The following CAPN7 variants were observed in gnomAD, a reference collection of about 807,000 sequenced individuals.
CAPN7 encodes the protein calpain-7.
Under a neutral mutation model 115.2 loss-of-function variants are expected in CAPN7, and 72 were observed. The observed-to-expected ratio is 0.63, with a 90% CI of 0.52 to 0.76. The LOEUF is 0.76. Among genes scored for constraint, CAPN7 ranks in the 30% least tolerant of loss-of-function variants. The pLI is 0.00. For synonymous variants in CAPN7, 344 were observed against 322.3 expected, an observed-to-expected ratio of 1.07 and a Z score of -0.72; for missense variants, 905 against 971.5, an observed-to-expected ratio of 0.93 and a Z score of 0.91.
chr3:15,241,638 G>A, intron 15 of CAPN7, 50 bp downstream of exon 15: 1 of 1,525,112 alleles, frequency 6.6e-7, no homozygotes, highest in Admixed American at 1.8e-5. Flanking sequence ...TTTTAATATA[G>A]TTAGAACATT....
chr3:15,217,293 T>TC, intron 2 of CAPN7, 132 bp from the exon 3 acceptor site: 1 of 804,284 alleles, frequency 1.2e-6, no homozygotes, highest in Non-Finnish European at 1.8e-6. Context: ...TTAAGGATTT[T>TC]TTTAACCTTG....
intron 10 of CAPN7, among the ~76,000 whole-genome samples, chr3:15,233,611 C>CT (rs986429950): frequency 2.0e-5 from 3 of 152,140 alleles, no homozygotes; most frequent in Non-Finnish European, 4.4e-5. Context: ...TGTTACATGT[C>CT]TTTTTATCAT....
intron 4 of CAPN7, among the ~76,000 whole-genome samples, chr3:15,219,929 G>A (rs1296549904): frequency 6.6e-6 from 1 of 152,090 alleles, no homozygotes; most frequent in East Asian, 1.9e-4. Context: ...GGCCGGGCAC[G>A]GTGGCTCACG....
At chr3:15,238,394 G>A (rs977588770) in intron 12 of CAPN7, among the ~76,000 whole-genome samples, 2 of 151,806 alleles carry the variant, frequency 1.3e-5, no homozygotes, top group East Asian at 1.9e-4. Context: ...GATTACAGGC[G>A]TGAGCCCCCA....
Position 15,251,181 on chromosome 3 carries a change from C to T in CAPN7, c.2363C>T (p.Thr788Ile), listed in dbSNP as rs1017265979. Residue 788 changes from threonine to isoleucine, a missense_variant, in exon 21 of 21, where the codon ACC becomes ATC. Transcript: ENST00000253693. ...PSGIFNIIPSTFLPKQEGPFF... is the reference protein window; with the variant it reads ...PSGIFNIIPSIFLPKQEGPFF... ...GGGATCTTCAATATCATTCCTAGTA[C>T]CTTTTTGCCTAAACAAGAAGGACCT... 6.2e-7 allele frequency: 1 copy of T among 1,607,684 alleles called. No homozygotes were observed. The highest frequency in any genetic ancestry group is 8.5e-7 in the Non-Finnish European group (1 of 1,175,100).
chr3:15,225,192 T>G (rs2124933031), intron 6 of CAPN7, among the ~76,000 whole-genome samples: 1 of 152,360 alleles, frequency 6.6e-6, no homozygotes, highest in Non-Finnish European at 1.5e-5. Flanking sequence ...ATTTTGTTAG[T>G]TACTAAGTTA....
Position 15,251,983 on chromosome 3 carries a change from A to C in CAPN7, c.*723A>C, listed in dbSNP as rs1329140443. The C allele has an allele frequency of 6.6e-6, 1 of 152,430 alleles. No individual in the cohort carries two copies. The highest frequency in any genetic ancestry group is 1.5e-5 in the Non-Finnish European group (1 of 68,022). 9.4% of individuals were successfully genotyped at this position (152,430 alleles called of 1,614,324 possible). ...TAAAAAACAGTAATTGAGATATTGA[A>C]GACATTACAATTTAGTTTGTGTGGT... is the stretch of plus-strand genomic sequence containing the variant. On this transcript the variant is annotated 3_prime_UTR_variant, in exon 21 of 21. Coordinates refer to ENST00000253693, the MANE Select transcript of CAPN7 (RefSeq NM_014296.3).
At chr3:15,229,985 C>G (rs1410388820) in intron 8 of CAPN7, among the ~76,000 whole-genome samples, 1 of 151,952 alleles carries the variant, frequency 6.6e-6, no homozygotes, top group East Asian at 1.9e-4. Context: ...TATAAGTGGT[C>G]CAAATGTATT....
chr3:15,233,307 T>C (rs1387535452), intron 10 of CAPN7, among the ~76,000 whole-genome samples: 1 of 152,248 alleles, frequency 6.6e-6, no homozygotes, highest in Non-Finnish European at 1.5e-5. Flanking sequence ...TTAGTTTCCC[T>C]GCCAAACCAG....
intron 6 of CAPN7, 73 bp from the exon 7 acceptor site, chr3:15,227,766 A>G: frequency 1.0e-6 from 1 of 978,336 alleles, no homozygotes; most frequent in Non-Finnish European, 1.4e-6. Context: ...AAAAATCTCT[A>G]GGAAATTTAA....
chr3:15,208,922 ATAG>A (rs1273193954), intron 1 of CAPN7, among the ~76,000 whole-genome samples: 1 of 152,226 alleles, frequency 6.6e-6, no homozygotes, highest in Non-Finnish European at 1.5e-5. Flanking sequence ...ATACTGTACA[ATAG>A]TAGTACTTTT....
Position 15,228,959 on chromosome 3 carries a change from T to C in CAPN7, c.853-15T>C. The C allele has an allele frequency of 3.2e-6, 5 of 1,569,888 alleles. No homozygotes were observed. The highest frequency in any genetic ancestry group is 4.4e-6 in the Non-Finnish European group (5 of 1,141,550). ...CGTGAATGAATATGAATATGTTAAT[T>C]ATTCTTATTAACAGACAATAGTATC... is the stretch of plus-strand genomic sequence containing the variant. On this transcript the variant is annotated splice_polypyrimidine_tract_variant and intron_variant, in intron 7 of 20. Transcript: ENST00000253693.
chr3:15,240,656 C>CA lies in CAPN7; in HGVS notation c.1552+48dup, dbSNP rs753810405. ...TTTAATTTTAATACCATTTATTCTT[C>CA]AAAAAAAAACATGTTTTAACAAGAC... On this transcript the variant is annotated intron_variant, in intron 13 of 20. Coordinates refer to ENST00000253693, the MANE Select transcript of CAPN7 (RefSeq NM_014296.3). 1,530 of 1,507,620 alleles carry CA rather than the reference C, an allele frequency of 1.0e-3. 1 individual carries two copies. Among genetic ancestry groups the CA allele is most frequent in the African/African-American group, 4.7e-3 (333 of 70,318 alleles). The allele number at this position is 1,507,620 out of a possible 1,614,324, so 93.4% of individuals were successfully genotyped here.
At chr3:15,221,656 A>G (rs7637226) in intron 5 of CAPN7, among the ~76,000 whole-genome samples, 18,906 of 151,986 alleles carry the variant, frequency 0.12, 3,933 homozygotes, top group African/African-American at 0.43. Flanking sequence ...CCCTAATGGG[A>G]GAAAAAATGT....
In CAPN7 at chr3:15,218,651, G is replaced by C. The variant is rs1169218645; in HGVS notation, c.437+111G>C. On this transcript the variant is annotated intron_variant, in intron 4 of 20. Coordinates refer to ENST00000253693, the MANE Select transcript of CAPN7 (RefSeq NM_014296.3). ...AGTAACAAACCTCCATCTTTTAACT[G>C]TCATCTGAAACAAATCTACTTTCTA... The C allele has an allele frequency of 4.0e-6, 3 of 757,174 alleles. No homozygotes were observed. The East Asian group carries it at 7.5e-5, about 19-fold the overall frequency. 46.9% of individuals were successfully genotyped at this position (757,174 alleles called of 1,614,324 possible).
At chr3:15,230,648 G>T (rs542830051) in intron 9 of CAPN7, 113 bp downstream of exon 9, 10 of 644,722 alleles carry the variant, frequency 1.6e-5, no homozygotes, top group Non-Finnish European at 2.8e-5. Flanking sequence ...AAAAGTTAGA[G>T]TCTGTGATAT....
Position 15,240,454 on chromosome 3 carries a change from C to A in CAPN7, c.1408-19C>A, listed in dbSNP as rs1183581340. 6.2e-7 allele frequency: 1 copy of A among 1,604,032 alleles called. No individual in the cohort carries two copies. Among genetic ancestry groups the A allele is most frequent in the South Asian group, 1.1e-5 (1 of 89,146 alleles). On this transcript the variant is annotated intron_variant, in intron 12 of 20. Coordinates refer to ENST00000253693, the MANE Select transcript of CAPN7 (RefSeq NM_014296.3). ...CTGTTTTACAACTTAATGTTATCTC[C>A]TGTTTCTTTTTTATATAGGGGCTGC...
At chr3:15,221,218 T>G (rs1217579463) in intron 5 of CAPN7, among the ~76,000 whole-genome samples, 1 of 152,064 alleles carries the variant, frequency 6.6e-6, no homozygotes, top group East Asian at 1.9e-4. Context: ...GTCACTCTGT[T>G]GTTCAGGCTG....
chr3:15,216,680 G>GA (rs371280412), intron 2 of CAPN7, among the ~76,000 whole-genome samples: 1 of 151,792 alleles, frequency 6.6e-6, no homozygotes, highest in Non-Finnish European at 1.5e-5. Context: ...TGTCTGTGCA[G>GA]AAAAAAAAGT....
Sources: gnomAD v4.1 joint callset for allele counts (sites outside exome capture counted in the v4.1 genomes callset) on GRCh38, gnomAD v4.1.1 for gene constraint, MANE v1.5 for transcripts, NCBI Gene and HGNC (gene_info 2026-07-23, HGNC 2026-07-21) for gene names.